Variants in PACRG observed in about 807,000 individuals in gnomAD.
PACRG encodes the protein parkin coregulated.
In PACRG, 29 loss-of-function variants were observed where a neutral mutation model predicts 29.7. The ratio of observed to expected loss-of-function variants is 0.98; its 90% CI spans 0.73 to 1.33. PACRG has a LOEUF of 1.33. Among genes scored for constraint, PACRG ranks in the 40% most tolerant of loss-of-function variants. PACRG has a pLI of 0.00. For synonymous variants in PACRG, 116 were observed against 118.7 expected (o/e 0.98, Z 0.15); for missense variants, 279 against 316.2 (o/e 0.88, Z 0.89).
At position 163,151,523 on chromosome 6, in the gene PACRG, A is replaced by G. The variant is rs138771396; in HGVS notation, c.613+62115A>G. Among the ~76,000 whole-genome samples, 766 of 152,326 alleles carry G rather than the reference A, an allele frequency of 5.0e-3. 6 individuals are homozygous for G. Among genetic ancestry groups the G allele is most frequent in the African/African-American group, 0.016 (685 of 41,562 alleles). ...TGTGTTTTTCTTTGGTGTTCCTGCA[A>G]ATTAGCACGAATCTGTGCTATGTTG... On this transcript the variant is annotated intron_variant, in intron 4 of 4. Transcript: ENST00000366888.
intron 2 of PACRG, among the ~76,000 whole-genome samples, chr6:162,877,023 T>A (rs1793414173): frequency 6.6e-6 from 1 of 152,130 alleles, no homozygotes; most frequent in Admixed American, 6.6e-5. Context: ...TGAAAGACAG[T>A]GTGGCGATTC....
chr6:163,281,363 C>T (rs1310285000), intron 4 of PACRG, among the ~76,000 whole-genome samples: 3 of 152,158 alleles, frequency 2.0e-5, no homozygotes, highest in African/African-American at 7.2e-5. Context: ...TTTGCCTCAG[C>T]ACAGTCCTCA....
At chr6:163,175,496 G>A (rs1490632135) in intron 4 of PACRG, among the ~76,000 whole-genome samples, 1 of 152,046 alleles carries the variant, frequency 6.6e-6, no homozygotes, top group Admixed American at 6.6e-5. Flanking sequence ...CTGCTCCTGA[G>A]GGATTGTGGT....
At chr6:163,167,753 G>T (rs1334491180) in intron 4 of PACRG, among the ~76,000 whole-genome samples, 1 of 152,174 alleles carries the variant, frequency 6.6e-6, no homozygotes, top group Non-Finnish European at 1.5e-5. Flanking sequence ...TCTTGATTCT[G>T]CTCAAAACTC....
chr6:163,311,889 G>T (rs1333787192), intron 4 of PACRG, among the ~76,000 whole-genome samples: 1 of 152,176 alleles, frequency 6.6e-6, no homozygotes, highest in Non-Finnish European at 1.5e-5. Flanking sequence ...AAAAGCAGGT[G>T]CCTTAAGCTT....
intron 2 of PACRG, among the ~76,000 whole-genome samples, chr6:163,025,263 GC>G (rs1807016319): frequency 6.6e-6 from 1 of 152,142 alleles, no homozygotes; most frequent in Non-Finnish European, 1.5e-5. Context: ...AGAATTAAAA[GC>G]CATCCAAATA....
At chr6:162,843,306 C>G (rs1227700369) in intron 2 of PACRG, among the ~76,000 whole-genome samples, 124 of 103,354 alleles carry the variant, frequency 1.2e-3, no homozygotes, top group African/African-American at 4.6e-3. Flanking sequence ...TCTTTTTATT[C>G]TTTTTTCTCT....
At chr6:162,987,507 C>T (rs1456936153) in intron 2 of PACRG, among the ~76,000 whole-genome samples, 2 of 152,108 alleles carry the variant, frequency 1.3e-5, no homozygotes, top group South Asian at 2.1e-4. Context: ...GTTCTCATGA[C>T]AGTGAATAAG....
intron 4 of PACRG, among the ~76,000 whole-genome samples, chr6:163,115,819 C>G (rs1403804191): frequency 6.6e-6 from 1 of 152,176 alleles, no homozygotes; most frequent in East Asian, 1.9e-4. Flanking sequence ...ATCCTGCATT[C>G]CTCTGTCAGT....
chr6:162,775,705 C>T (rs1291774872), intron 1 of PACRG, among the ~76,000 whole-genome samples: 1 of 152,142 alleles, frequency 6.6e-6, no homozygotes, highest in African/African-American at 2.4e-5. Context: ...TTTATCTTCA[C>T]TTCTGAATCA....
In PACRG at chr6:162,947,362, G is replaced by GATCA. The variant is rs1562765827; in HGVS notation, c.292-114788_292-114787insATCA. On this transcript the variant is annotated intron_variant, in intron 2 of 4. Transcript: ENST00000366888. The stretch of plus-strand genomic sequence containing the variant: ...TATATAATGATTACATATATATAAT[G>GATCA]TAATCATATATAATCATATATATAA... Among the ~76,000 whole-genome samples, 82 of 54,864 alleles carry GATCA rather than the reference G, an allele frequency of 1.5e-3. 5 individuals are homozygous for GATCA. Among genetic ancestry groups the GATCA allele is most frequent in the African/African-American group, 5.7e-3 (79 of 13,828 alleles). 36.0% of individuals were successfully genotyped at this position (54,864 alleles called of 152,430 possible). A position where few individuals can be genotyped will look rare whatever the true frequency, so the allele number is the denominator to read the frequency against.
chr6:162,923,550 G>T (rs1182698883), intron 2 of PACRG, among the ~76,000 whole-genome samples: 2 of 152,052 alleles, frequency 1.3e-5, no homozygotes, highest in African/African-American at 4.8e-5. Context: ...AGAGATAGGG[G>T]TCTAGTTTCT....
intron 2 of PACRG, among the ~76,000 whole-genome samples, chr6:162,996,409 T>C (rs1278232464): frequency 6.6e-6 from 1 of 152,156 alleles, no homozygotes; most frequent in African/African-American, 2.4e-5. Context: ...GTTCACATCC[T>C]TCAAATCAAA....
chr6:163,266,424 A>C (rs73601584), intron 4 of PACRG, among the ~76,000 whole-genome samples: 7,703 of 152,160 alleles, frequency 0.051, 555 homozygotes, highest in African/African-American at 0.16. Flanking sequence ...ACTTAGATTA[A>C]ATTATTGGTT....
chr6:162,905,526 A>T (rs1795871622), intron 2 of PACRG, among the ~76,000 whole-genome samples: 1 of 152,108 alleles, frequency 6.6e-6, no homozygotes, highest in Non-Finnish European at 1.5e-5. Context: ...AAATAAAGAG[A>T]TTGAAGCCGA....
At chr6:162,826,335 C>T (rs1372960696) in intron 2 of PACRG, among the ~76,000 whole-genome samples, 1 of 152,034 alleles carries the variant, frequency 6.6e-6, no homozygotes, top group East Asian at 1.9e-4. Context: ...TTGTGCCAAC[C>T]CACAACTCTC....
intron 3 of PACRG, among the ~76,000 whole-genome samples, chr6:163,081,382 G>A (rs1287019706): frequency 6.6e-6 from 1 of 152,152 alleles, no homozygotes; most frequent in African/African-American, 2.4e-5. Context: ...AGAGTTGTGG[G>A]TGATGAAGAA....
chr6:162,828,585 A>G (rs545449805), intron 2 of PACRG, among the ~76,000 whole-genome samples: 1 of 152,314 alleles, frequency 6.6e-6, no homozygotes, highest in East Asian at 1.9e-4. Context: ...ACAAATAAAT[A>G]TAGAGACTGA....
intron 1 of PACRG, among the ~76,000 whole-genome samples, chr6:162,741,541 G>A (rs1367127197): frequency 6.6e-6 from 1 of 151,912 alleles, no homozygotes; most frequent in Non-Finnish European, 1.5e-5. Flanking sequence ...CTTTCTTGTA[G>A]AGCCACTAAT....
Sources: allele counts gnomAD v4.1 joint callset (sites outside exome capture counted in the v4.1 genomes callset), GRCh38; gene constraint gnomAD v4.1.1; transcripts MANE v1.5; gene names NCBI Gene and HGNC (gene_info 2026-07-23, HGNC 2026-07-21).